The following OSBPL1A variants were observed in gnomAD, a reference collection of about 807,000 sequenced individuals.
OSBPL1A encodes the protein oxysterol binding protein like 1A.
OSBPL1A carries 80 observed loss-of-function variants against 137.1 expected under a neutral mutation model. That is an observed-to-expected ratio of 0.58 (90% CI 0.49 to 0.70). The LOEUF (loss-of-function observed/expected upper bound fraction) is 0.70. Ranked by LOEUF, OSBPL1A falls within the 30% of genes least tolerant of loss-of-function variation. The pLI, the probability that OSBPL1A is intolerant of heterozygous loss-of-function variation, is 0.00. For missense variants in OSBPL1A, 970 were observed against 1,129.4 expected (o/e 0.86, Z 2.02); for synonymous variants, 365 against 389.7 (o/e 0.94, Z 0.75).
chr18:24,276,529 T>A (rs2089849310), intron 15 of OSBPL1A, among the ~76,000 whole-genome samples: 1 of 152,166 alleles, frequency 6.6e-6, no homozygotes, highest in South Asian at 2.1e-4. Context: ...AACCTCCGCC[T>A]CCTGGGTTCA....
intron 15 of OSBPL1A, among the ~76,000 whole-genome samples, chr18:24,260,217 G>A (rs1280876883): frequency 6.6e-6 from 1 of 152,114 alleles, no homozygotes; most frequent in Non-Finnish European, 1.5e-5. Flanking sequence ...TATTGCTGAT[G>A]GGAATGTAAA....
In OSBPL1A at chr18:24,313,946, CA is replaced by C. The variant is rs5823424; in HGVS notation, c.969+302del. Among the ~76,000 whole-genome samples the C allele has an allele frequency of 4.0e-5, 6 of 150,736 alleles. No individual in the cohort carries two copies. In the South Asian group the frequency reaches 1.1e-3, roughly 26 times the overall value. ...GTGAAACCTTGTCTCTGCTAAAATA[CA>C]AAAAAAAATTAGCCAGGCGTATTGG... On this transcript the variant is annotated intron_variant, in intron 12 of 27. Transcript: ENST00000319481.
At position 24,337,729 on chromosome 18, in the gene OSBPL1A, T is replaced by C. The variant is rs1021542255; in HGVS notation, c.395-3399A>G. Reference sequence around the variant, plus strand: ...ATGGGAGGGGAAAATGCTACAAAGGTCATTATTTGGACAACTGGCTAAATC... The same window carrying C: ...ATGGGAGGGGAAAATGCTACAAAGGCCATTATTTGGACAACTGGCTAAATC... On this transcript the variant is annotated intron_variant, in intron 5 of 27. Coordinates refer to ENST00000319481, the MANE Select transcript of OSBPL1A (RefSeq NM_080597.4). Among the ~76,000 whole-genome samples the C allele has an allele frequency of 2.0e-4, 30 of 151,816 alleles. 1 individual carries two copies. The highest frequency in any genetic ancestry group is 7.0e-4 in the African/African-American group (29 of 41,456).
intron 14 of OSBPL1A, among the ~76,000 whole-genome samples, chr18:24,283,276 A>AT (rs2146077100): frequency 2.0e-5 from 2 of 99,414 alleles, no homozygotes; most frequent in African/African-American, 7.1e-5. Flanking sequence ...AAAAAAAAAA[A>AT]AAAAAATATA....
At chr18:24,368,599 T>G in intron 2 of OSBPL1A, 1 of 428,572 alleles carries the variant, frequency 2.3e-6, no homozygotes, top group Non-Finnish European at 4.3e-6. Context: ...TCTAAAGGGA[T>G]AGAGGGAGAC....
chr18:24,359,425 G>A (rs72886762), intron 4 of OSBPL1A, among the ~76,000 whole-genome samples: 37,780 of 151,716 alleles, frequency 0.25, 5,467 homozygotes, highest in East Asian at 0.6. Context: ...TCAGCTGGGC[G>A]TGGTGGCTCA....
chr18:24,366,612 A>G, intron 4 of OSBPL1A: 1 of 296,354 alleles, frequency 3.4e-6, no homozygotes, highest in Non-Finnish European at 6.2e-6. Flanking sequence ...TTTTTTTAAA[A>G]AAAAGAATAA....
At chr18:24,311,402 G>T in intron 13 of OSBPL1A, 1 of 895,954 alleles carries the variant, frequency 1.1e-6, no homozygotes, top group Non-Finnish European at 1.3e-6. Context: ...GAAATAAAAG[G>T]TACAGCCAGA....
At chr18:24,396,132 T>C (rs562050731) in intron 1 of OSBPL1A, among the ~76,000 whole-genome samples, 2 of 151,340 alleles carry the variant, frequency 1.3e-5, no homozygotes, top group African/African-American at 4.8e-5. Context: ...GACCGGAGAA[T>C]TGCTTCAACC....
chr18:24,315,464 C>T (rs1314496690), intron 11 of OSBPL1A, among the ~76,000 whole-genome samples: 1 of 150,910 alleles, frequency 6.6e-6, no homozygotes, highest in African/African-American at 2.4e-5. Context: ...TAATCCAAAC[C>T]GAACCAAGAA....
intron 17 of OSBPL1A, among the ~76,000 whole-genome samples, chr18:24,217,673 A>T (rs1393415587): frequency 2.0e-5 from 3 of 152,168 alleles, no homozygotes; most frequent in Non-Finnish European, 4.4e-5. Context: ...CAACCACTAA[A>T]TCATTAGGTG....
rs899950703 is a variant in OSBPL1A, at chr18:24,271,757, C to T, written c.1281+9085G>A. ...GCGAGCCGATCCGGGAGGCGCGACC[C>T]AGGGCGGCCCGCAAGGTCTCCCTAA... On this transcript the variant is annotated intron_variant, in intron 15 of 27. Coordinates refer to ENST00000319481, the MANE Select transcript of OSBPL1A (RefSeq NM_080597.4). This position sits in a 1 kb window ranked among gnomAD's most constrained non-coding sequence, Gnocchi z 4.0. 1.2e-5 allele frequency: 12 copies of T among 985,560 alleles called. No homozygotes were observed. The African/African-American group carries it at 1.9e-4, about 16-fold the overall frequency. The allele number at this position is 985,560 out of a possible 1,614,324, so 61.1% of individuals were successfully genotyped here. A position where few individuals can be genotyped will look rare whatever the true frequency, so the allele number is the denominator to read the frequency against.
intron 2 of OSBPL1A, among the ~76,000 whole-genome samples, chr18:24,374,983 C>G (rs1461716845): frequency 1.3e-5 from 2 of 151,996 alleles, no homozygotes; most frequent in African/African-American, 2.4e-5. Flanking sequence ...AGAGGAAACA[C>G]AGGGGAAGGG....
chr18:24,192,105 C>T lies in OSBPL1A; in HGVS notation c.1677+4020G>A, dbSNP rs574605031. ...GCAATAATCCAGGACTATTCTATTA[C>T]TCCAAGACATTTGAACACACACAAG... On this transcript the variant is annotated intron_variant, in intron 18 of 27. Coordinates refer to ENST00000319481, the MANE Select transcript of OSBPL1A (RefSeq NM_080597.4). Among the ~76,000 whole-genome samples, 12 of 152,262 alleles carry T rather than the reference C, an allele frequency of 7.9e-5. No homozygotes were observed. In the South Asian group the frequency reaches 2.5e-3, roughly 32 times the overall value.
intron 21 of OSBPL1A, among the ~76,000 whole-genome samples, chr18:24,175,137 C>CGTATATATATATATATATAT (rs1199702207): frequency 1.9e-5 from 1 of 51,792 alleles, no homozygotes; most frequent in African/African-American, 8.1e-5. Context: ...TATATATATA[C>CGTATATATATATATATATAT]ACATATATAT....
intron 15 of OSBPL1A, among the ~76,000 whole-genome samples, chr18:24,249,774 G>A (rs1460995948): frequency 6.6e-6 from 1 of 152,130 alleles, no homozygotes; most frequent in African/African-American, 2.4e-5. Flanking sequence ...GGCAAGCTTC[G>A]TCACCCGCGG....
At chr18:24,235,544 A>G (rs1367020273) in intron 16 of OSBPL1A, among the ~76,000 whole-genome samples, 1 of 152,226 alleles carries the variant, frequency 6.6e-6, no homozygotes, top group East Asian at 1.9e-4. Flanking sequence ...CCAGGCCTCG[A>G]TTCTATGTCT....
intron 16 of OSBPL1A, among the ~76,000 whole-genome samples, chr18:24,235,074 T>C (rs950432357): frequency 3.3e-5 from 5 of 152,144 alleles, no homozygotes; most frequent in African/African-American, 1.2e-4. Context: ...CGTGAAGGCA[T>C]CTGAGTTTCA....
At position 24,163,075 on chromosome 18, in the gene OSBPL1A, A is replaced by T. The variant is rs1161675087; in HGVS notation, c.*104T>A. 2.9e-6 allele frequency: 2 copies of T among 697,164 alleles called. No individual in the cohort carries two copies. Among genetic ancestry groups the T allele is most frequent in the Non-Finnish European group, 4.5e-6 (2 of 447,084 alleles). The allele number at this position is 697,164 out of a possible 1,614,324, so 43.2% of individuals were successfully genotyped here. A position where few individuals can be genotyped will look rare whatever the true frequency, so the allele number is the denominator to read the frequency against. On this transcript the variant is annotated 3_prime_UTR_variant, in exon 28 of 28. Transcript: ENST00000319481. ...GCAGTTATCTCATGAGTGTTTTTTC[A>T]TTTTTTTTTTTAAAAGATAAGTAGA...
Sources: allele counts gnomAD v4.1 joint callset (sites outside exome capture counted in the v4.1 genomes callset), GRCh38; gene constraint gnomAD v4.1.1; non-coding constraint Gnocchi (gnomAD v3.1); transcripts MANE v1.5; gene names NCBI Gene and HGNC (gene_info 2026-07-23, HGNC 2026-07-21).